AKAP19: variants seen among roughly 807,000 people sequenced by gnomAD.
AKAP19 encodes small A-kinase anchoring protein.
the AKAP19 span, among the ~76,000 whole-genome samples, chr2:189,949,718 G>A: frequency 3.7e-5 from 5 of 134,716 alleles, no homozygotes; most frequent in African/African-American, 1.4e-4. Flanking sequence ...TGCAACCTCC[G>A]CCTCCCGGGT....
At chr2:190,116,506 C>T in the AKAP19 span, among the ~76,000 whole-genome samples, 2 of 152,276 alleles carry the variant, frequency 1.3e-5, no homozygotes, top group Non-Finnish European at 2.9e-5. Flanking sequence ...CAACACATGC[C>T]TTTTGGGGGA....
chr2:189,971,416 C>A, the AKAP19 span, among the ~76,000 whole-genome samples: 1 of 152,180 alleles, frequency 6.6e-6, no homozygotes, highest in African/African-American at 2.4e-5. Context: ...CAAGTCTTTG[C>A]TATTGTGAAT....
the AKAP19 span, among the ~76,000 whole-genome samples, chr2:189,982,212 T>C: frequency 6.7e-6 from 1 of 148,928 alleles, no homozygotes; most frequent in Non-Finnish European, 1.5e-5. Flanking sequence ...TTTTAAAAAT[T>C]ATTTTTCCTT....
the AKAP19 span, among the ~76,000 whole-genome samples, chr2:190,040,566 G>C: frequency 2.0e-5 from 3 of 152,228 alleles, no homozygotes; most frequent in Admixed American, 6.5e-5. Flanking sequence ...AATTGCTTTT[G>C]GTGAAAATCT....
the AKAP19 span, among the ~76,000 whole-genome samples, chr2:190,061,206 A>G: frequency 6.6e-6 from 1 of 152,076 alleles, no homozygotes; most frequent in East Asian, 1.9e-4. Flanking sequence ...TGATTACTTA[A>G]TAAGGGAAAT....
the AKAP19 span, among the ~76,000 whole-genome samples, chr2:190,049,599 G>A: frequency 6.6e-6 from 1 of 152,172 alleles, no homozygotes; most frequent in African/African-American, 2.4e-5. Flanking sequence ...TCTTGTAATT[G>A]TAGAGACAAT....
chr2:190,052,625 C>T, the AKAP19 span, among the ~76,000 whole-genome samples: 1 of 152,074 alleles, frequency 6.6e-6, no homozygotes, highest in Non-Finnish European at 1.5e-5. Flanking sequence ...ATGGCCCAAA[C>T]CGCATAATCA....
chr2:190,034,288 T>TAAC, the AKAP19 span, among the ~76,000 whole-genome samples: 1 of 151,826 alleles, frequency 6.6e-6, no homozygotes, highest in Non-Finnish European at 1.5e-5. Flanking sequence ...TCTTAAAAGA[T>TAAC]ACGTTTAAAT....
chr2:190,062,751 C>G, the AKAP19 span: 1 of 669,390 alleles, frequency 1.5e-6, no homozygotes, highest in African/African-American at 1.8e-5. Context: ...TTCCAAGTGG[C>G]TTTTTATATT....
the AKAP19 span, among the ~76,000 whole-genome samples, chr2:190,108,063 T>G: frequency 1.3e-5 from 2 of 152,200 alleles, no homozygotes; most frequent in Non-Finnish European, 2.9e-5. Flanking sequence ...TTGTCCAAAT[T>G]TTACATAAGG....
chr2:190,002,092 G>A, the AKAP19 span, among the ~76,000 whole-genome samples: 2 of 152,304 alleles, frequency 1.3e-5, no homozygotes, highest in South Asian at 4.1e-4. Flanking sequence ...TAGAACAAGG[G>A]CAGGGGATAT....
At chr2:189,959,540 A>G in the AKAP19 span, among the ~76,000 whole-genome samples, 2 of 152,316 alleles carry the variant, frequency 1.3e-5, no homozygotes, top group Admixed American at 6.5e-5. Flanking sequence ...AGAAATTGCC[A>G]TTCCCAAATA....
At chr2:190,142,686 C>T in the AKAP19 span, among the ~76,000 whole-genome samples, 1 of 152,226 alleles carries the variant, frequency 6.6e-6, no homozygotes, top group South Asian at 2.1e-4. Flanking sequence ...GGCTAACAAA[C>T]TGGTACTTTT....
At chr2:190,088,633 T>C in the AKAP19 span, among the ~76,000 whole-genome samples, 1 of 152,106 alleles carries the variant, frequency 6.6e-6, no homozygotes, top group African/African-American at 2.4e-5. Flanking sequence ...AAAAAAAGTA[T>C]CATGTTAATA....
the AKAP19 span, among the ~76,000 whole-genome samples, chr2:189,899,333 T>C: frequency 6.6e-6 from 1 of 152,222 alleles, no homozygotes; most frequent in Admixed American, 6.5e-5. Flanking sequence ...GTTTGCAAAG[T>C]ATTTTCATAT....
At chr2:189,958,324 A>G in the AKAP19 span, among the ~76,000 whole-genome samples, 6 of 152,108 alleles carry the variant, frequency 3.9e-5, no homozygotes, top group Admixed American at 3.3e-4. Flanking sequence ...TATTAAAACT[A>G]CAAGTAAACT....
At chr2:190,136,829 A>G in the AKAP19 span, among the ~76,000 whole-genome samples, 1 of 152,270 alleles carries the variant, frequency 6.6e-6, no homozygotes, top group East Asian at 1.9e-4. Context: ...AAGCAAAAGG[A>G]TAAGAACCAA....
the AKAP19 span, among the ~76,000 whole-genome samples, chr2:189,990,724 C>A: frequency 7.9e-5 from 12 of 152,060 alleles, 1 homozygote; most frequent in East Asian, 1.7e-3. Context: ...TATTTTATTT[C>A]AAAAGTTTTT....
chr2:189,881,265 A>G, the AKAP19 span, among the ~76,000 whole-genome samples: 1 of 152,266 alleles, frequency 6.6e-6, no homozygotes, highest in East Asian at 1.9e-4. Context: ...GGAAAAGTCA[A>G]GCTGGGAACT....
Sources: gnomAD v4.1 joint callset for allele counts (sites outside exome capture counted in the v4.1 genomes callset) on GRCh38, gnomAD v4.1.1 for gene constraint, MANE v1.5 for transcripts, NCBI Gene and HGNC (gene_info 2026-07-23, HGNC 2026-07-21) for gene names.